The following COLEC10 variants were observed in gnomAD, a reference collection of about 807,000 sequenced individuals.
COLEC10 encodes the protein collectin subfamily member 10.
In COLEC10, 22 loss-of-function variants were observed where a neutral mutation model predicts 28.4. The ratio of observed to expected loss-of-function variants is 0.78; its 90% CI spans 0.55 to 1.11. COLEC10 has a LOEUF of 1.11. Ranked by LOEUF, COLEC10 falls within the 50% of genes least tolerant of loss-of-function variation. The pLI, the probability that COLEC10 is intolerant of heterozygous loss-of-function variation, is 0.00. For synonymous variants in COLEC10, 125 were observed against 116.1 expected, an observed-to-expected ratio of 1.08 and a Z score of -0.49; for missense variants, 361 against 344.1, an observed-to-expected ratio of 1.05 and a Z score of -0.39.
the COLEC10 span, among the ~76,000 whole-genome samples, chr8:118,988,955 GCAAAA>G: frequency 1.0e-3 from 158 of 152,010 alleles, 1 homozygote; most frequent in East Asian, 0.028. Flanking sequence ...ATGCCAAAAG[GCAAAA>G]CAAAACAAAA....
intron 2 of COLEC10, among the ~76,000 whole-genome samples, chr8:119,024,172 G>T (rs1012115423): frequency 6.6e-6 from 1 of 152,116 alleles, no homozygotes; most frequent in Non-Finnish European, 1.5e-5. Context: ...TTTGGTGAAA[G>T]ACAAAGTTGA....
intron 2 of COLEC10, among the ~76,000 whole-genome samples, chr8:119,032,537 T>C (rs1814307555): frequency 6.6e-6 from 1 of 152,346 alleles, no homozygotes; most frequent in East Asian, 1.9e-4. Context: ...GTTTAGATTA[T>C]TGCCCATCTC....
intron 2 of COLEC10, among the ~76,000 whole-genome samples, chr8:119,028,642 G>T (rs1296666833): frequency 6.6e-6 from 1 of 152,140 alleles, no homozygotes; most frequent in East Asian, 1.9e-4. Flanking sequence ...GGAATTCTGG[G>T]AGATACAATT....
the COLEC10 span, among the ~76,000 whole-genome samples, chr8:118,953,082 C>T: frequency 1.3e-5 from 2 of 152,206 alleles, no homozygotes; most frequent in African/African-American, 4.8e-5. Context: ...GGATGGCTTA[C>T]CAGGATCAGA....
intron 2 of COLEC10, among the ~76,000 whole-genome samples, chr8:119,060,375 T>C (rs1017073890): frequency 1.3e-5 from 2 of 152,134 alleles, no homozygotes; most frequent in Admixed American, 6.6e-5. Flanking sequence ...TACTATGTGT[T>C]TTGAATGGAG....
chr8:119,042,645 G>A (rs1814520220), intron 2 of COLEC10, among the ~76,000 whole-genome samples: 1 of 152,112 alleles, frequency 6.6e-6, no homozygotes, highest in East Asian at 1.9e-4. Context: ...GTGCCAGTAG[G>A]AGTTAGATTT....
At chr8:119,023,296 A>G (rs1814130395) in intron 2 of COLEC10, among the ~76,000 whole-genome samples, 1 of 152,138 alleles carries the variant, frequency 6.6e-6, no homozygotes, top group Admixed American at 6.6e-5. Flanking sequence ...TAGTCCAAGA[A>G]TAAAAGGATT....
intron 5 of COLEC10, among the ~76,000 whole-genome samples, chr8:119,104,769 G>T (rs1815905000): frequency 6.6e-6 from 1 of 152,256 alleles, no homozygotes; most frequent in Admixed American, 6.5e-5. Context: ...AACTTTGGTT[G>T]TAATCTGTAC....
chr8:119,002,158 T>C (rs1357522041), intron 1 of COLEC10, among the ~76,000 whole-genome samples: 3 of 152,180 alleles, frequency 2.0e-5, no homozygotes, highest in African/African-American at 7.2e-5. Flanking sequence ...TATGTGTGTA[T>C]ATAATTTTTA....
chr8:119,074,934 A>T (rs536544398), intron 1 of COLEC10, among the ~76,000 whole-genome samples: 3 of 152,208 alleles, frequency 2.0e-5, no homozygotes, highest in Admixed American at 1.3e-4. Context: ...TGACTTCTTC[A>T]TAGGGATGTG....
chr8:118,987,179 T>C, the COLEC10 span, among the ~76,000 whole-genome samples: 1 of 152,148 alleles, frequency 6.6e-6, no homozygotes, highest in Non-Finnish European at 1.5e-5. Context: ...CCTCGATATA[T>C]TGTAAGTGGA....
At chr8:119,032,135 T>G (rs1220859423) in intron 2 of COLEC10, among the ~76,000 whole-genome samples, 1 of 152,222 alleles carries the variant, frequency 6.6e-6, no homozygotes, top group Admixed American at 6.5e-5. Flanking sequence ...GAACAGAGTA[T>G]TGGAAATCCG....
intron 1 of COLEC10, among the ~76,000 whole-genome samples, chr8:119,000,842 T>C (rs892493613): frequency 1.3e-5 from 2 of 152,044 alleles, no homozygotes; most frequent in Admixed American, 6.5e-5. Flanking sequence ...TAGGTGAAAA[T>C]ATTGAATCTG....
intron 2 of COLEC10, among the ~76,000 whole-genome samples, chr8:119,046,931 G>T (rs1049728424): frequency 3.9e-5 from 6 of 152,056 alleles, no homozygotes; most frequent in African/African-American, 1.4e-4. Context: ...CTGAACAACA[G>T]AATTTTCTAT....
chr8:118,990,810 C>T (rs1035279195), upstream of COLEC10, among the ~76,000 whole-genome samples: 1 of 151,744 alleles, frequency 6.6e-6, no homozygotes, highest in African/African-American at 2.4e-5. Context: ...TATCTGTGGA[C>T]CTTTGTTGGG....
At chr8:119,103,643 A>C (rs1815882643) in intron 4 of COLEC10, among the ~76,000 whole-genome samples, 157 bp from the exon 5 acceptor site, 1 of 152,212 alleles carries the variant, frequency 6.6e-6, no homozygotes, top group South Asian at 2.1e-4. Context: ...TGTAAATTGG[A>C]AACCTTATTT....
chr8:118,975,116 A>G, the COLEC10 span, among the ~76,000 whole-genome samples: 25 of 152,086 alleles, frequency 1.6e-4, no homozygotes, highest in Non-Finnish European at 2.6e-4. Context: ...CATAGCAATA[A>G]TGATTCAGTA....
chr8:119,029,391 C>T (rs964232551), intron 2 of COLEC10, among the ~76,000 whole-genome samples: 2 of 152,140 alleles, frequency 1.3e-5, no homozygotes, highest in African/African-American at 2.4e-5. Flanking sequence ...TCTCCATTCA[C>T]TATTTCTTTG....
intron 1 of COLEC10, among the ~76,000 whole-genome samples, chr8:119,078,244 T>A (rs1383961243): frequency 6.6e-6 from 1 of 152,234 alleles, no homozygotes; most frequent in African/African-American, 2.4e-5. Context: ...GGGTTTTCTT[T>A]TCCACATAAT....
Sources: gnomAD v4.1 joint callset for allele counts (sites outside exome capture counted in the v4.1 genomes callset) on GRCh38, gnomAD v4.1.1 for gene constraint, MANE v1.5 for transcripts, NCBI Gene and HGNC (gene_info 2026-07-23, HGNC 2026-07-21) for gene names.